The following THTPA variants were observed in gnomAD, a reference collection of about 807,000 sequenced individuals.
THTPA encodes thiamine triphosphatase, also known as thiamine-triphosphatase.
A neutral mutation model predicts 16.5 loss-of-function variants in THTPA; 16 were observed. The observed-to-expected ratio is 0.97, with a 90% CI of 0.66 to 1.47. The LOEUF (loss-of-function observed/expected upper bound fraction) is 1.47, where lower values mean the gene tolerates loss of function less well. Ranked by LOEUF, THTPA falls within the 40% of genes most tolerant of loss-of-function variation. THTPA has a pLI of 0.00. For synonymous variants in THTPA, 110 were observed against 115.5 expected (o/e 0.95, Z 0.30); for missense variants, 281 against 280.9 (o/e 1.00, Z 0.00).
chr14:23,555,689 C>G (rs947309316), upstream of THTPA: 6 of 150,864 alleles, frequency 4.0e-5, no homozygotes, highest in Non-Finnish European at 8.9e-5. Context: ...TCCCTCCCCC[C>G]ACCCCAACCC....
the THTPA span, chr14:23,534,115 G>A: frequency 1.5e-5 from 23 of 1,486,964 alleles, no homozygotes; most frequent in Non-Finnish European, 1.9e-5. This position sits in a 1 kb window ranked among gnomAD's most constrained non-coding sequence, Gnocchi z 4.5. Context: ...GCCCACTGGG[G>A]CAGGGAGAGT....
chr14:23,547,030 C>G, the THTPA span, among the ~76,000 whole-genome samples: 1 of 152,196 alleles, frequency 6.6e-6, no homozygotes, highest in Non-Finnish European at 1.5e-5. Context: ...TGATTGGGTG[C>G]ATGTTTGTTT....
chr14:23,559,946 G>A lies in THTPA; in HGVS notation c.*1106G>A, dbSNP rs151124111. The A allele has an allele frequency of 1.4e-4, 232 of 1,613,018 alleles. 1 individual carries two copies. In the East Asian group the frequency reaches 5.1e-3, roughly 36 times the overall value. On this transcript the variant is annotated 3_prime_UTR_variant, in exon 2 of 2. Transcript: ENST00000288014. ...GAACTCCTGAAGCTCACCTTGTTAG[G>A]ATTGAGGATTCTGAAGAGCTGGGTG...
At chr14:23,531,403 A>G in the THTPA span, 25 of 1,331,016 alleles carry the variant, frequency 1.9e-5, no homozygotes, top group Non-Finnish European at 2.4e-5. Context: ...TTGTATCTCT[A>G]ACTCCGCAGC....
the THTPA span, among the ~76,000 whole-genome samples, chr14:23,512,264 G>A: frequency 1.6e-3 from 245 of 152,158 alleles, no homozygotes; most frequent in South Asian, 0.011. Flanking sequence ...ATGGCTGTGC[G>A]GTGGCTGGCA....
upstream of THTPA, among the ~76,000 whole-genome samples, chr14:23,555,190 G>T (rs190837292): frequency 2.2e-3 from 329 of 152,148 alleles, 2 homozygotes; most frequent in Non-Finnish European, 4.1e-3. Context: ...GGGCCGGGGG[G>T]GTTTCTCCAT....
At chr14:23,541,010 A>T in the THTPA span, among the ~76,000 whole-genome samples, 26 of 151,510 alleles carry the variant, frequency 1.7e-4, no homozygotes, top group East Asian at 4.9e-3. Flanking sequence ...GGTTCAAGTG[A>T]TTCTCCCTGC....
At chr14:23,531,837 G>T in the THTPA span, 2 of 1,223,220 alleles carry the variant, frequency 1.6e-6, no homozygotes, top group Non-Finnish European at 2.1e-6. Context: ...GAGTGCAGTG[G>T]CATGATCTCT....
chr14:23,526,546 T>G, the THTPA span: 1 of 1,535,756 alleles, frequency 6.5e-7, no homozygotes, highest in South Asian at 1.2e-5. Context: ...GGGCATCAGG[T>G]TCAGGGACTG....
the THTPA span, chr14:23,522,304 T>C: frequency 1.3e-6 from 2 of 1,514,906 alleles, no homozygotes; most frequent in African/African-American, 2.8e-5. Context: ...CCCCGTCAAA[T>C]GCCATCTTGC....
the THTPA span, among the ~76,000 whole-genome samples, chr14:23,520,464 G>A: frequency 1.3e-5 from 2 of 152,094 alleles, no homozygotes; most frequent in Non-Finnish European, 2.9e-5. This position sits in a 1 kb window ranked among gnomAD's most constrained non-coding sequence, Gnocchi z 8.7. Context: ...TGAAAGAGAA[G>A]CAGATCTCAG....
the THTPA span, among the ~76,000 whole-genome samples, chr14:23,544,916 T>C: frequency 1.5e-4 from 23 of 151,814 alleles, no homozygotes; most frequent in Admixed American, 1.3e-3. Context: ...CTGTCCCCCA[T>C]TGTTCTTTTC....
the THTPA span, among the ~76,000 whole-genome samples, chr14:23,550,521 A>G: frequency 6.6e-6 from 1 of 152,224 alleles, no homozygotes; most frequent in Admixed American, 6.5e-5. Context: ...ATACAGATCC[A>G]GAGATGGATG....
At chr14:23,534,893 C>T in the THTPA span, 6 of 1,536,094 alleles carry the variant, frequency 3.9e-6, no homozygotes, top group Non-Finnish European at 8.7e-7. This position sits in a 1 kb window ranked among gnomAD's most constrained non-coding sequence, Gnocchi z 4.5. Context: ...CCCGCCTCAC[C>T]CCAGGGGAAG....
chr14:23,530,794 CCAGT>C, the THTPA span: 1 of 268,924 alleles, frequency 3.7e-6, no homozygotes, highest in South Asian at 3.7e-5. Flanking sequence ...TCAATTAGCA[CCAGT>C]CAATGCTGCG....
the THTPA span, chr14:23,522,542 C>T: frequency 6.5e-7 from 1 of 1,527,306 alleles, no homozygotes; most frequent in South Asian, 1.2e-5. Flanking sequence ...GGGAAATAGC[C>T]CCTTCTTCAT....
At chr14:23,549,717 C>T in the THTPA span, among the ~76,000 whole-genome samples, 1 of 152,136 alleles carries the variant, frequency 6.6e-6, no homozygotes, top group South Asian at 2.1e-4. Flanking sequence ...TCAAAGTTGA[C>T]AGTTAACTGA....
At chr14:23,543,883 G>A in the THTPA span, 2 of 151,976 alleles carry the variant, frequency 1.3e-5, no homozygotes, top group Non-Finnish European at 2.9e-5. Context: ...AGACAGACCT[G>A]GAATCAAATT....
the THTPA span, chr14:23,533,699 G>T: frequency 1.3e-6 from 2 of 1,540,674 alleles, no homozygotes; most frequent in Non-Finnish European, 1.7e-6. This position sits in a 1 kb window ranked among gnomAD's most constrained non-coding sequence, Gnocchi z 4.8. Context: ...TGCCCACCAG[G>T]GCCCGCCTGG....
Sources: allele counts gnomAD v4.1 joint callset (sites outside exome capture counted in the v4.1 genomes callset), GRCh38; gene constraint gnomAD v4.1.1; non-coding constraint Gnocchi (gnomAD v3.1); transcripts MANE v1.5; gene names NCBI Gene and HGNC (gene_info 2026-07-23, HGNC 2026-07-21).